Variants in SAMSN1 observed in about 807,000 individuals in gnomAD.
SAMSN1 encodes SAM domain-containing protein SAMSN-1.
In SAMSN1, 31 loss-of-function variants were observed where a neutral mutation model predicts 42.0. The observed-to-expected ratio is 0.74, with a 90% CI of 0.55 to 1.00. SAMSN1 has a LOEUF of 1.00. Ranked by LOEUF, SAMSN1 falls within the 50% of genes least tolerant of loss-of-function variation. The pLI is 0.00. For missense variants in SAMSN1, 464 were observed against 439.4 expected, an observed-to-expected ratio of 1.06 and a Z score of -0.50; for synonymous variants, 178 against 151.9, an observed-to-expected ratio of 1.17 and a Z score of -1.26.
At chr21:14,548,151 T>G (rs1221402928), upstream of SAMSN1, among the ~76,000 whole-genome samples, 14 of 152,194 alleles carry the variant, frequency 9.2e-5, no homozygotes, top group Admixed American at 9.2e-4. Context: ...GACACCCTCT[T>G]TTCTTCATCT....
At chr21:14,624,647 C>A (rs1052745383) in intron 2 of SAMSN1, among the ~76,000 whole-genome samples, 6 of 151,998 alleles carry the variant, frequency 3.9e-5, no homozygotes, top group African/African-American at 1.4e-4. Flanking sequence ...AGCCTACCAA[C>A]CAAAAAAAGT....
At chr21:14,576,006 A>G (rs745686661) in intron 2 of SAMSN1, among the ~76,000 whole-genome samples, 4 of 152,252 alleles carry the variant, frequency 2.6e-5, no homozygotes, top group Non-Finnish European at 5.9e-5. Flanking sequence ...AGGAAATAGT[A>G]TGAAGATGTG....
At chr21:14,623,599 A>C (rs1983077467) in intron 2 of SAMSN1, among the ~76,000 whole-genome samples, 1 of 152,234 alleles carries the variant, frequency 6.6e-6, no homozygotes, top group African/African-American at 2.4e-5. Flanking sequence ...ATATGGACCC[A>C]AAACAGAAGC....
At chr21:14,521,000 G>A (rs1208712717) in intron 2 of SAMSN1, 150 bp downstream of exon 2, 1 of 616,606 alleles carries the variant, frequency 1.6e-6, no homozygotes, top group African/African-American at 1.9e-5. Flanking sequence ...ACTAAATAAT[G>A]GTTTGTTCAT....
At position 14,485,780 on chromosome 21, in the gene SAMSN1, T is replaced by C. The variant is rs981930827; in HGVS notation, c.*132A>G. ...AGATACAAAATTTTATGTACAATTA[T>C]TCAGATTAAAACATTTAAACTTTAG... On this transcript the variant is annotated 3_prime_UTR_variant, in exon 8 of 8. Coordinates refer to ENST00000400566, the MANE Select transcript of SAMSN1 (RefSeq NM_022136.5). 1.5e-5 allele frequency: 10 copies of C among 663,398 alleles called. No individual in the cohort carries two copies. Among genetic ancestry groups the C allele is most frequent in the African/African-American group, 1.5e-4 (8 of 55,070 alleles). The allele number at this position is 663,398 out of a possible 1,614,324, so 41.1% of individuals were successfully genotyped here. A position where few individuals can be genotyped will look rare whatever the true frequency, so the allele number is the denominator to read the frequency against.
chr21:14,516,973 C>T lies in SAMSN1; in HGVS notation c.198G>A (p.Leu66=), dbSNP rs77412967. The T allele has an allele frequency of 6.2e-7, 1 of 1,612,856 alleles. No individual in the cohort carries two copies. Among genetic ancestry groups the T allele is most frequent in the African/African-American group, 1.3e-5 (1 of 74,848 alleles). Residue 66 remains leucine, a synonymous_variant, in exon 3 of 8, where the codon TTG becomes TTA. Transcript: ENST00000400566. ...ATGAAATAGCTCTCATTTTTTTACC[C>T]AAACCGCCTCCATTATTTGAAGTTT... The part of the protein sequence containing the change: ...QSKTSNNGGG[L]GKKMRAISWT...
At chr21:14,586,103 A>C (rs971995495), upstream of SAMSN1, among the ~76,000 whole-genome samples, 3 of 151,742 alleles carry the variant, frequency 2.0e-5, no homozygotes, top group African/African-American at 7.3e-5. Flanking sequence ...TTTCTACTAA[A>C]AATACAAAAA....
chr21:14,500,537 G>A lies in SAMSN1; in HGVS notation c.760C>T (p.His254Tyr). The A allele has an allele frequency of 1.2e-6, 2 of 1,613,908 alleles. No individual in the cohort carries two copies. The highest frequency in any genetic ancestry group is 1.7e-6 in the Non-Finnish European group (2 of 1,179,860). The change falls in exon 6 of 8, where the codon CAT (histidine) becomes TAT (tyrosine). Residue 254 changes from histidine to tyrosine, a missense_variant. By Grantham distance (83) the His-to-Tyr change is moderately conservative. Coordinates refer to ENST00000400566, the MANE Select transcript of SAMSN1 (RefSeq NM_022136.5). ...AACACAGATTTGCTCACCTGCAGAT[G>A]AATCCTCTCTAGGAACTCCTGCAGA... The part of the protein sequence containing the change: ...KTLQEFLERI[H>Y]LQEYTSTLLL...
chr21:14,518,349 T>C (rs1988011284), intron 2 of SAMSN1, among the ~76,000 whole-genome samples: 1 of 152,232 alleles, frequency 6.6e-6, no homozygotes, highest in Admixed American at 6.5e-5. Context: ...CTTGAGACTT[T>C]GTCTGTTTTC....
At chr21:14,540,299 A>C (rs1979927941) in intron 1 of SAMSN1, among the ~76,000 whole-genome samples, 1 of 152,226 alleles carries the variant, frequency 6.6e-6, no homozygotes, top group South Asian at 2.1e-4. Context: ...AATGGGATCT[A>C]ATTGAACTAA....
At chr21:14,648,805 C>T (rs1051524045) in intron 1 of SAMSN1, among the ~76,000 whole-genome samples, 8 of 152,062 alleles carry the variant, frequency 5.3e-5, no homozygotes, top group Non-Finnish European at 8.8e-5. Flanking sequence ...AATAGGAACA[C>T]TTTTACACTG....
In SAMSN1 at chr21:14,656,977, G is replaced by T. The variant is rs561981156; in HGVS notation, c.24+1771C>A. Among the ~76,000 whole-genome samples the T allele has an allele frequency of 2.6e-5, 4 of 150,952 alleles. No individual in the cohort carries two copies. The East Asian group carries it at 5.9e-4, about 22-fold the overall frequency. On this transcript the variant is annotated intron_variant, in intron 1 of 15. Transcript: ENST00000647101. ...TGGTTTTTATTCTCTTTTCTTAAAT[G>T]CAGTGTCCCATATGTTCACATTCCT...
At chr21:14,629,719 G>A (rs367846631) in intron 2 of SAMSN1, among the ~76,000 whole-genome samples, 7 of 152,250 alleles carry the variant, frequency 4.6e-5, no homozygotes, top group South Asian at 2.1e-4. Context: ...TAAATTGCAC[G>A]AACTTTGCCA....
intron 2 of SAMSN1, among the ~76,000 whole-genome samples, chr21:14,632,001 C>T (rs753539052): frequency 1.3e-5 from 2 of 152,094 alleles, no homozygotes; most frequent in South Asian, 2.1e-4. Flanking sequence ...ACTTCTCTTG[C>T]TACTAGAATA....
At chr21:14,542,877 G>C (rs1328901735) in intron 1 of SAMSN1, among the ~76,000 whole-genome samples, 3 of 152,086 alleles carry the variant, frequency 2.0e-5, no homozygotes, top group African/African-American at 7.2e-5. Flanking sequence ...CACCCAGGAG[G>C]TTAGGGTTAG....
At chr21:14,503,706 G>A (rs547220657) in intron 5 of SAMSN1, among the ~76,000 whole-genome samples, 2 of 152,242 alleles carry the variant, frequency 1.3e-5, no homozygotes, top group African/African-American at 2.4e-5. Flanking sequence ...CATGGCAGAC[G>A]GCAGGCAGGA....
At chr21:14,501,434 A>T (rs1371018565) in intron 5 of SAMSN1, among the ~76,000 whole-genome samples, 1 of 152,236 alleles carries the variant, frequency 6.6e-6, no homozygotes, top group Non-Finnish European at 1.5e-5. Context: ...AGCTTGCAGG[A>T]AGTTAACGGC....
At position 14,546,210 on chromosome 21, in the gene SAMSN1, G is replaced by GT. The variant is rs1568802466; in HGVS notation, c.51dup (p.Pro18ThrfsTer16). ...TATGTATGAAATCACCTTACCTTTG[G>GT]TTTTTGATGTTTCTCCTTCTCTGAA... On this transcript the variant is annotated frameshift_variant, in exon 1 of 8. Coordinates refer to ENST00000400566, the MANE Select transcript of SAMSN1 (RefSeq NM_022136.5). LOFTEE classifies it high-confidence loss of function. The GT allele has an allele frequency of 1.2e-6, 2 of 1,612,608 alleles. No homozygotes were observed. Among genetic ancestry groups the GT allele is most frequent in the South Asian group, 1.1e-5 (1 of 91,044 alleles).
Position 14,485,788 on chromosome 21 carries a change from A to G in SAMSN1, c.*124T>C, listed in dbSNP as rs139075100. ...AATTTTATGTACAATTATTCAGATT[A>G]AAACATTTAAACTTTAGGTTTTATT... On this transcript the variant is annotated 3_prime_UTR_variant, in exon 8 of 8. Coordinates refer to ENST00000400566, the MANE Select transcript of SAMSN1 (RefSeq NM_022136.5). The G allele has an allele frequency of 1.4e-6, 1 of 727,262 alleles. No homozygotes were observed. The highest frequency in any genetic ancestry group is 2.7e-5 in the East Asian group (1 of 37,092). 45.1% of individuals were successfully genotyped at this position (727,262 alleles called of 1,614,324 possible). A position where few individuals can be genotyped will look rare whatever the true frequency, so the allele number is the denominator to read the frequency against.
Sources: gnomAD v4.1 joint callset for allele counts (sites outside exome capture counted in the v4.1 genomes callset) on GRCh38, gnomAD v4.1.1 for gene constraint, MANE v1.5 for transcripts, NCBI Gene and HGNC (gene_info 2026-07-23, HGNC 2026-07-21) for gene names.